The following DLC1 variants were observed in gnomAD, a reference collection of about 807,000 sequenced individuals.
The protein encoded by DLC1 is DLC1 Rho GTPase activating protein.
DLC1 carries 54 observed loss-of-function variants against 140.3 expected under a neutral mutation model. That is an observed-to-expected ratio of 0.38 (90% confidence interval 0.31 to 0.48). The LOEUF is 0.48. Among genes scored for constraint, DLC1 ranks in the 20% least tolerant of loss-of-function variants. The probability of loss-of-function intolerance (pLI) is 0.96; values close to 1 mark genes in which losing one functional copy is unlikely to be tolerated. For missense variants in DLC1, 2,536 were observed against 1,907.0 expected, an observed-to-expected ratio of 1.33 and a Z score of -6.14; for synonymous variants, 986 against 728.1, an observed-to-expected ratio of 1.35 and a Z score of -5.70.
intron 2 of DLC1, among the ~76,000 whole-genome samples, chr8:13,459,249 T>TTCCC (rs1385847003): frequency 6.6e-6 from 1 of 152,190 alleles, no homozygotes; most frequent in African/African-American, 2.4e-5. Flanking sequence ...ATTTCTTCCT[T>TTCCC]TCCCTCCCCC....
In DLC1 at chr8:13,466,444, C is replaced by A. The variant is rs80342752; in HGVS notation, c.1023+32605G>T. Among the ~76,000 whole-genome samples, 895 of 152,338 alleles carry A rather than the reference C, an allele frequency of 5.9e-3. 15 individuals carry two copies. The highest frequency in any genetic ancestry group is 0.02 in the African/African-American group (838 of 41,582). The stretch of plus-strand genomic sequence containing the variant: ...TCTCCTCCTGGCCAGAGCTCTCCTA[C>A]AGAGTCGCTATCTTGGTAGAAATAA... On this transcript the variant is annotated intron_variant, in intron 2 of 17. Transcript: ENST00000276297.
chr8:13,373,176 A>T (rs891760340), intron 4 of DLC1, among the ~76,000 whole-genome samples: 11 of 152,086 alleles, frequency 7.2e-5, no homozygotes, highest in Non-Finnish European at 1.2e-4. Context: ...CCTGGCCCCA[A>T]ATGAGAATTT....
rs111446352 is a variant in DLC1 at position 13,527,068 on chromosome 8, A to T, written c.-125-26872T>A. Among the ~76,000 whole-genome samples the T allele has an allele frequency of 4.0e-3, 613 of 152,332 alleles. 3 individuals carry two copies. The highest frequency in any genetic ancestry group is 0.014 in the African/African-American group (571 of 41,586). On this transcript the variant is annotated intron_variant, in intron 1 of 1. Coordinates refer to the DLC1 transcript ENST00000631382. ...CTTCAAAGATTCTTAAGATCTACAT[A>T]GGTGATCATATTGTACGTGAATAGG...
At chr8:13,396,720 A>G (rs933218082) in intron 3 of DLC1, among the ~76,000 whole-genome samples, 7 of 152,198 alleles carry the variant, frequency 4.6e-5, no homozygotes, top group African/African-American at 1.7e-4. Context: ...ACACAACTAA[A>G]TAAGTAATTT....
chr8:13,527,788 C>A (rs1240480316), intron 1 of DLC1, among the ~76,000 whole-genome samples: 1 of 152,084 alleles, frequency 6.6e-6, no homozygotes, highest in Non-Finnish European at 1.5e-5. Context: ...AGGTATGAAA[C>A]AGCATCTATT....
chr8:13,205,504 T>A (rs1827616881), intron 5 of DLC1, among the ~76,000 whole-genome samples: 1 of 152,114 alleles, frequency 6.6e-6, no homozygotes, highest in Non-Finnish European at 1.5e-5. Flanking sequence ...ATCATTTACA[T>A]AAGGGCGGGG....
intron 1 of DLC1, among the ~76,000 whole-genome samples, chr8:13,587,013 GAGTT>G (rs1386335437): frequency 6.6e-6 from 1 of 151,628 alleles, no homozygotes; most frequent in Non-Finnish European, 1.5e-5. Context: ...GTCTAGTAGA[GAGTT>G]AGAAATATAT....
At chr8:13,087,651 G>C (rs1817678846) in intron 16 of DLC1, among the ~76,000 whole-genome samples, 1 of 152,200 alleles carries the variant, frequency 6.6e-6, no homozygotes, top group African/African-American at 2.4e-5. Context: ...GAGCCCATTT[G>C]AAGTGTAGCT....
intron 2 of DLC1, among the ~76,000 whole-genome samples, chr8:13,436,353 C>G (rs1250014711): frequency 6.6e-6 from 1 of 152,172 alleles, no homozygotes; most frequent in Admixed American, 6.5e-5. Context: ...TTACACTTTT[C>G]TCGAAAATGA....
chr8:13,478,759 A>G (rs1171222756), intron 2 of DLC1, among the ~76,000 whole-genome samples: 6 of 152,212 alleles, frequency 3.9e-5, no homozygotes, highest in Admixed American at 3.3e-4. Context: ...TTTTAAAAAA[A>G]TCCCTCTCTG....
At chr8:13,576,905 G>A (rs112413540) in intron 1 of DLC1, among the ~76,000 whole-genome samples, 8 of 152,290 alleles carry the variant, frequency 5.3e-5, no homozygotes, top group African/African-American at 1.7e-4. Flanking sequence ...TGTTGAAAAT[G>A]GCACTGAACA....
At chr8:13,387,861 A>G (rs1288472324) in intron 4 of DLC1, among the ~76,000 whole-genome samples, 1 of 152,084 alleles carries the variant, frequency 6.6e-6, no homozygotes, top group African/African-American at 2.4e-5. Flanking sequence ...AGACGTTCGC[A>G]TGTTCAACAC....
chr8:13,530,308 A>G (rs1394128160), intron 1 of DLC1, among the ~76,000 whole-genome samples: 1 of 152,180 alleles, frequency 6.6e-6, no homozygotes, highest in Non-Finnish European at 1.5e-5. Flanking sequence ...GCCATTTCTT[A>G]AGGTAAATAG....
intron 5 of DLC1, among the ~76,000 whole-genome samples, chr8:13,186,533 C>T (rs1329553809): frequency 1.3e-5 from 2 of 152,140 alleles, no homozygotes; most frequent in East Asian, 1.9e-4. Flanking sequence ...ACTGTTTATT[C>T]TAGGTAGCCA....
At chr8:13,260,852 G>A (rs999342655) in intron 5 of DLC1, among the ~76,000 whole-genome samples, 1 of 152,156 alleles carries the variant, frequency 6.6e-6, no homozygotes, top group African/African-American at 2.4e-5. Context: ...AAAAATGTGA[G>A]ATAGATGCTT....
At chr8:13,434,470 ATGTG>A (rs147794589) in intron 2 of DLC1, among the ~76,000 whole-genome samples, 25 of 150,482 alleles carry the variant, frequency 1.7e-4, no homozygotes, top group Admixed American at 6.0e-4. Flanking sequence ...AGTATTGAGA[ATGTG>A]TGTGTGTGTG....
intron 5 of DLC1, among the ~76,000 whole-genome samples, chr8:13,253,145 A>G (rs1157227205): frequency 6.6e-6 from 1 of 152,216 alleles, no homozygotes; most frequent in Non-Finnish European, 1.5e-5. Context: ...AGCCATTAAT[A>G]TCAAGTAAGA....
chr8:13,178,517 A>T (rs527401312), intron 5 of DLC1, among the ~76,000 whole-genome samples: 2 of 150,364 alleles, frequency 1.3e-5, no homozygotes, highest in Admixed American at 1.3e-4. Context: ...GCTTGCAATG[A>T]GCCGAGATTG....
At chr8:13,209,734 T>C (rs1827847453) in intron 5 of DLC1, among the ~76,000 whole-genome samples, 1 of 152,108 alleles carries the variant, frequency 6.6e-6, no homozygotes, top group Non-Finnish European at 1.5e-5. Flanking sequence ...ACCTCCCTCC[T>C]GTCTCTCTTG....
Sources: allele counts gnomAD v4.1 joint callset (sites outside exome capture counted in the v4.1 genomes callset), GRCh38; gene constraint gnomAD v4.1.1; transcripts MANE v1.5; gene names NCBI Gene and HGNC (gene_info 2026-07-23, HGNC 2026-07-21).